Variants in ODF2 observed in about 807,000 individuals in gnomAD.
ODF2 encodes outer dense fiber protein 2.
In ODF2, 47 loss-of-function variants were observed where a neutral mutation model predicts 110.2. The observed-to-expected ratio is 0.43, with a 90% confidence interval of 0.34 to 0.54. The LOEUF (loss-of-function observed/expected upper bound fraction) is 0.54, where lower values mean the gene tolerates loss of function less well. Ranked by LOEUF, ODF2 falls within the 20% of genes least tolerant of loss-of-function variation. The probability of loss-of-function intolerance (pLI) is 0.03; values close to 1 mark genes in which losing one functional copy is unlikely to be tolerated. For synonymous variants in ODF2, 352 were observed against 397.7 expected (o/e 0.89, Z 1.37); for missense variants, 812 against 1,054.5 (o/e 0.77, Z 3.19).
Position 128,483,925 on chromosome 9 carries a change from C to T in ODF2, c.988-13C>T, listed in dbSNP as rs111656438. On this transcript the variant is annotated splice_polypyrimidine_tract_variant and intron_variant, in intron 10 of 20. Transcript: ENST00000604420. ...AAAATTGTGCCTCCATCACTTTTTC[C>T]GTCTCTCCACAGGCTCAAGCAAAGA... The T allele has an allele frequency of 3.8e-5, 61 of 1,591,894 alleles. No individual in the cohort carries two copies. The highest frequency in any genetic ancestry group is 1.7e-4 in the Middle Eastern group (1 of 6,052).
At chr9:128,466,893 C>T (rs1259141397) in intron 4 of ODF2, among the ~76,000 whole-genome samples, 3 of 138,904 alleles carry the variant, frequency 2.2e-5, no homozygotes, top group African/African-American at 5.3e-5. Flanking sequence ...AGGAGAATGG[C>T]GTGAACCTGG....
chr9:128,487,605 G>A (rs1464490574), intron 13 of ODF2, among the ~76,000 whole-genome samples: 1 of 152,092 alleles, frequency 6.6e-6, no homozygotes, highest in Non-Finnish European at 1.5e-5. Flanking sequence ...GGCTAACACG[G>A]TGAAACCCCG....
At chr9:128,472,841 G>A in intron 6 of ODF2, 72 bp from the exon 7 acceptor site, 1 of 1,602,922 alleles carries the variant, frequency 6.2e-7, no homozygotes, top group East Asian at 2.3e-5. Context: ...CTAGGGCATT[G>A]TGAGGCAAGC....
exon 21 of ODF2, chr9:128,500,294 A>G (rs112660443): frequency 6.9e-6 from 11 of 1,604,168 alleles, no homozygotes; most frequent in Middle Eastern, 1.7e-4. Context: ...TGGAAGCCAT[A>G]GGAACTCCAG....
At chr9:128,495,998 G>T in intron 17 of ODF2, 43 bp from the exon 18 acceptor site, 1 of 1,610,202 alleles carries the variant, frequency 6.2e-7, no homozygotes. Context: ...GGGCTCTAGC[G>T]GGAAATTCCT....
chr9:128,489,555 A>G (rs1844109323), intron 14 of ODF2, among the ~76,000 whole-genome samples: 1 of 152,186 alleles, frequency 6.6e-6, no homozygotes, highest in African/African-American at 2.4e-5. Context: ...AGTCAGCCCC[A>G]TTGTTTGGAG....
chr9:128,496,237 G>A (rs1845540040), intron 18 of ODF2, 96 bp downstream of exon 18: 2 of 1,574,630 alleles, frequency 1.3e-6, no homozygotes, highest in African/African-American at 2.7e-5. Context: ...AGTGTTGAGG[G>A]ACTCGAGGCC....
In ODF2 at chr9:128,494,630, A is replaced by G. The variant is rs374421958; in HGVS notation, c.1873A>G (p.Ile625Val). The change falls in exon 17 of 21, where the codon ATC becomes GTC. Residue 625 changes from isoleucine to valine, a missense_variant. By Grantham distance (29) the Ile-to-Val change is conservative (BLOSUM62 3). This residue lies in a region of ODF2 where 165 missense variants were observed against 293.4 expected (regional missense o/e 0.56). Transcript: ENST00000604420. The surrounding 1 kb of genome is among the most constrained non-coding windows in gnomAD (Gnocchi z 4.6). ...ACTGCAGGGCTATGAGCGGAAGAAC[A>G]TCGACCTCACAGCCATCATATCAGA... The G allele has an allele frequency of 2.9e-5, 47 of 1,614,080 alleles. No individual in the cohort carries two copies. The highest frequency in any genetic ancestry group is 1.6e-4 in the Middle Eastern group (1 of 6,084).
rs564477228 is a variant in ODF2, at chr9:128,485,996, T to C, written c.1400+522T>C. Among the ~76,000 whole-genome samples the C allele has an allele frequency of 6.6e-6, 1 of 152,286 alleles. No individual in the cohort carries two copies. Among genetic ancestry groups the C allele is most frequent in the East Asian group, 1.9e-4 (1 of 5,188 alleles). On this transcript the variant is annotated intron_variant, in intron 13 of 20. Coordinates refer to ENST00000604420, the Ensembl canonical transcript of ODF2. The surrounding 1 kb of genome is among the most constrained non-coding windows in gnomAD (Gnocchi z 5.0). ...CACCTTTCTTGCCACTGGCGAACTGTGAATAGTGACCATTCCATCATTCTC... is the reference window on the plus strand; with the variant it reads ...CACCTTTCTTGCCACTGGCGAACTGCGAATAGTGACCATTCCATCATTCTC...
chr9:128,484,906 C>A lies in ODF2; in HGVS notation c.1290+20C>A, dbSNP rs1219427749. ...GACAAGGTCGCAGGCCCGCGGTGCC[C>A]AGCTCCTCACCTGCCCTGAGGAGGG... On this transcript the variant is annotated intron_variant, in intron 12 of 20. Transcript: ENST00000604420. The A allele has an allele frequency of 1.2e-6, 2 of 1,609,878 alleles. No homozygotes were observed. Among genetic ancestry groups the A allele is most frequent in the Admixed American group, 3.4e-5 (2 of 59,246 alleles).
intron 10 of ODF2, among the ~76,000 whole-genome samples, 195 bp from the exon 11 acceptor site, chr9:128,483,743 G>A (rs546284527): frequency 1.1e-4 from 17 of 151,850 alleles, no homozygotes; most frequent in African/African-American, 3.9e-4. Context: ...AAAACTAGCC[G>A]GTTTTGATGG....
intron 18 of ODF2, 184 bp downstream of exon 18, chr9:128,496,325 G>A (rs997682194): frequency 2.1e-6 from 3 of 1,463,130 alleles, no homozygotes; most frequent in Non-Finnish European, 1.8e-6. Context: ...GAGCAAGGGG[G>A]CCTCTCAGCC....
intron 11 of ODF2, 95 bp downstream of exon 11, chr9:128,484,149 C>A: frequency 1.1e-6 from 1 of 883,048 alleles, no homozygotes; most frequent in Non-Finnish European, 1.8e-6. Context: ...AGGAAGTGTG[C>A]CTCCAAAGGT....
chr9:128,455,267 G>C, upstream of ODF2: 1 of 1,530,256 alleles, frequency 6.5e-7, no homozygotes, highest in Non-Finnish European at 8.8e-7. Flanking sequence ...CAGGAGGGTA[G>C]TAGACCGGGC....
chr9:128,456,999 A>G, intron 1 of ODF2: 4 of 1,242,912 alleles, frequency 3.2e-6, no homozygotes, highest in African/African-American at 1.6e-5. Flanking sequence ...TCTGGGGCCC[A>G]CTTGGGGCCG....
intron 13 of ODF2, 146 bp from the exon 14 acceptor site, chr9:128,487,744 G>A (rs932262391): frequency 2.2e-5 from 19 of 856,796 alleles, no homozygotes; most frequent in African/African-American, 1.9e-4. Flanking sequence ...CCAAGATCGC[G>A]CCACTGCACT....
chr9:128,470,185 T>C (rs1323625367), intron 5 of ODF2, among the ~76,000 whole-genome samples: 1 of 149,736 alleles, frequency 6.7e-6, no homozygotes, highest in Admixed American at 6.7e-5. Flanking sequence ...AACTAGGAAA[T>C]TGGCAGAGTT....
chr9:128,466,726 C>T (rs1838020298), intron 4 of ODF2, among the ~76,000 whole-genome samples: 1 of 148,088 alleles, frequency 6.8e-6, no homozygotes, highest in South Asian at 2.1e-4. Context: ...GCCTGTAATC[C>T]CAACACTTTG....
At chr9:128,459,083 A>C (rs1835725669) in intron 2 of ODF2, among the ~76,000 whole-genome samples, 1 of 152,154 alleles carries the variant, frequency 6.6e-6, no homozygotes, top group African/African-American at 2.4e-5. Context: ...GGGCTCAAGC[A>C]ATCTGCCTGC....
Sources: allele counts gnomAD v4.1 joint callset (sites outside exome capture counted in the v4.1 genomes callset), GRCh38; gene constraint gnomAD v4.1.1; regional missense constraint gnomAD v4.1.1; non-coding constraint Gnocchi (gnomAD v3.1); transcripts MANE v1.5; gene names NCBI Gene and HGNC (gene_info 2026-07-23, HGNC 2026-07-21).